The following GULP1 variants were observed in gnomAD, a reference collection of about 807,000 sequenced individuals.
GULP1 encodes the protein PTB domain-containing engulfment adapter protein 1.
GULP1 carries 19 observed loss-of-function variants against 40.9 expected under a neutral mutation model. That is an observed-to-expected ratio of 0.46 (90% CI 0.32 to 0.68). GULP1 has a LOEUF of 0.68. Among genes scored for constraint, GULP1 ranks in the 30% least tolerant of loss-of-function variants. GULP1 has a pLI of 0.03. For synonymous variants in GULP1, 119 were observed against 117.6 expected (o/e 1.01, Z -0.08); for missense variants, 312 against 362.2 (o/e 0.86, Z 1.12).
chr2:188,572,906 A>G (rs1699370450), intron 9 of GULP1, among the ~76,000 whole-genome samples: 1 of 152,176 alleles, frequency 6.6e-6, no homozygotes, highest in African/African-American at 2.4e-5. Context: ...GCAACATTTT[A>G]ATTAGGAGAA....
chr2:188,329,962 G>T (rs575825592), intron 1 of GULP1, among the ~76,000 whole-genome samples: 3 of 152,202 alleles, frequency 2.0e-5, no homozygotes, highest in African/African-American at 7.2e-5. Context: ...TCAGGAATTT[G>T]ATTTTGTACC....
intron 4 of GULP1, among the ~76,000 whole-genome samples, chr2:188,487,432 T>C (rs1405201772): frequency 1.3e-5 from 2 of 152,032 alleles, no homozygotes; most frequent in Non-Finnish European, 1.5e-5. Context: ...ATTATCTGTC[T>C]ACTGTGTTCC....
intron 1 of GULP1, among the ~76,000 whole-genome samples, chr2:188,381,133 C>T (rs2048955830): frequency 6.6e-6 from 1 of 152,052 alleles, no homozygotes. Context: ...CTAAGCCAGT[C>T]TGAGTTTTGC....
chr2:188,425,204 T>C (rs1054237399), intron 2 of GULP1, among the ~76,000 whole-genome samples: 1 of 152,138 alleles, frequency 6.6e-6, no homozygotes, highest in Non-Finnish European at 1.5e-5. Context: ...GATAATTAGA[T>C]GATTCTTTCC....
chr2:188,348,669 A>G (rs2044031721), intron 1 of GULP1, among the ~76,000 whole-genome samples: 1 of 152,214 alleles, frequency 6.6e-6, no homozygotes, highest in Admixed American at 6.5e-5. Context: ...TGAAATAATT[A>G]TCATTTCATA....
chr2:188,498,821 T>C (rs565013536), intron 4 of GULP1, among the ~76,000 whole-genome samples: 2 of 151,922 alleles, frequency 1.3e-5, no homozygotes, highest in East Asian at 3.9e-4. Flanking sequence ...AGCATCACTA[T>C]GTACTCCATG....
rs1294313101 is a variant in GULP1, at chr2:188,587,879, C to G, written c.773C>G (p.Pro258Arg). ...EIKRDLFGAEPFDPFNCGAAD... is the reference protein window; with the variant it reads ...EIKRDLFGAERFDPFNCGAAD... ...GAACGGGACCTGTTTGGAGCAGAAC[C>G]TTTTGACCCATTTAACTGTGGAGCA... The change falls in exon 11 of 12, where the codon CCT becomes CGT. Residue 258 changes from proline (P) to arginine (R), a missense_variant. By Grantham distance (103) the Pro-to-Arg change is moderately radical. Transcript: ENST00000409830. 6.2e-7 allele frequency: 1 copy of G among 1,609,052 alleles called. No individual in the cohort carries two copies. Among genetic ancestry groups the G allele is most frequent in the African/African-American group, 1.3e-5 (1 of 74,814 alleles).
At chr2:188,567,710 T>C (rs1217326918) in intron 7 of GULP1, among the ~76,000 whole-genome samples, 1 of 152,170 alleles carries the variant, frequency 6.6e-6, no homozygotes, top group East Asian at 1.9e-4. Context: ...GGCACACGTA[T>C]ACTGTATAAC....
At chr2:188,436,642 AT>A (rs1433863174) in intron 2 of GULP1, among the ~76,000 whole-genome samples, 3 of 152,154 alleles carry the variant, frequency 2.0e-5, no homozygotes, top group African/African-American at 4.8e-5. Flanking sequence ...ATTAAAAGTT[AT>A]TTTTTATTTT....
intron 2 of GULP1, among the ~76,000 whole-genome samples, chr2:188,423,580 G>T (rs2055752080): frequency 1.3e-5 from 2 of 151,678 alleles, no homozygotes; most frequent in East Asian, 1.9e-4. Flanking sequence ...GAGAGGGAAA[G>T]CATTGTTTAG....
intron 7 of GULP1, among the ~76,000 whole-genome samples, chr2:188,553,888 G>A (rs1198219162): frequency 6.6e-6 from 1 of 151,964 alleles, no homozygotes; most frequent in Non-Finnish European, 1.5e-5. Context: ...TAGGTTGCAT[G>A]TTTCCAGAAA....
intron 1 of GULP1, among the ~76,000 whole-genome samples, chr2:188,353,187 G>A (rs556631141): frequency 6.6e-6 from 1 of 152,252 alleles, no homozygotes; most frequent in Admixed American, 6.5e-5. Flanking sequence ...AGACTTGGTA[G>A]GGATAAGGAA....
intron 2 of GULP1, among the ~76,000 whole-genome samples, chr2:188,395,345 G>T (rs1015777719): frequency 6.6e-6 from 1 of 152,204 alleles, no homozygotes; most frequent in African/African-American, 2.4e-5. Context: ...CACGAACCTG[G>T]CGTGCACTCC....
intron 7 of GULP1, among the ~76,000 whole-genome samples, chr2:188,551,986 A>G (rs1290543147): frequency 1.3e-5 from 2 of 151,308 alleles, no homozygotes; most frequent in Non-Finnish European, 3.0e-5. Context: ...GGAAATGTCT[A>G]TTCATGTTCT....
chr2:188,559,013 A>AT (rs1695557194), intron 7 of GULP1, among the ~76,000 whole-genome samples: 1 of 152,176 alleles, frequency 6.6e-6, no homozygotes, highest in African/African-American at 2.4e-5. Context: ...AGAAAAACCC[A>AT]TTTTTTGAGG....
At chr2:188,312,176 A>T (rs2038268174) in intron 1 of GULP1, among the ~76,000 whole-genome samples, 1 of 151,826 alleles carries the variant, frequency 6.6e-6, no homozygotes, top group African/African-American at 2.4e-5. Context: ...AATATCTAAG[A>T]CTATTTTTTT....
intron 1 of GULP1, among the ~76,000 whole-genome samples, chr2:188,320,570 C>T (rs1211152201): frequency 2.0e-5 from 3 of 151,890 alleles, no homozygotes. Flanking sequence ...AAAATGTATG[C>T]ATTTGGGCTA....
chr2:188,357,995 A>G (rs2045580338), intron 1 of GULP1, among the ~76,000 whole-genome samples: 1 of 152,150 alleles, frequency 6.6e-6, no homozygotes, highest in Admixed American at 6.5e-5. Context: ...CCAGGCCAAC[A>G]TGGCGAAACC....
At chr2:188,423,204 A>G (rs994458807) in intron 2 of GULP1, among the ~76,000 whole-genome samples, 3 of 152,094 alleles carry the variant, frequency 2.0e-5, no homozygotes, top group African/African-American at 7.2e-5. Context: ...CACACTCAAA[A>G]TAGCTTAGTA....
Sources: allele counts gnomAD v4.1 joint callset (sites outside exome capture counted in the v4.1 genomes callset), GRCh38; gene constraint gnomAD v4.1.1; transcripts MANE v1.5; gene names NCBI Gene and HGNC (gene_info 2026-07-23, HGNC 2026-07-21).